Variants in SLC1A1 observed in about 807,000 individuals in gnomAD.
SLC1A1 encodes excitatory amino acid transporter 3.
Under a neutral mutation model 53.3 loss-of-function variants are expected in SLC1A1, and 43 were observed. The observed-to-expected ratio is 0.81, with a 90% CI of 0.63 to 1.04. The LOEUF (loss-of-function observed/expected upper bound fraction) is 1.04, where lower values mean the gene tolerates loss of function less well. SLC1A1 is among the 50% of genes least tolerant of loss of function. SLC1A1 has a pLI of 0.00. For missense variants in SLC1A1, 748 were observed against 664.9 expected (o/e 1.12, Z -1.37); for synonymous variants, 307 against 243.2 (o/e 1.26, Z -2.44).
chr9:4,585,504 C>G lies in SLC1A1; in HGVS notation c.1521C>G (p.Gly507=), dbSNP rs748205874. 6 of 1,614,214 alleles carry G rather than the reference C, an allele frequency of 3.7e-6. No individual in the cohort carries two copies. The change falls in exon 12 of 12, where the codon GGC becomes GGG. Residue 507 remains glycine, a synonymous_variant. Coordinates refer to ENST00000262352, the MANE Select transcript of SLC1A1 (RefSeq NM_004170.6). The stretch of plus-strand genomic sequence containing the variant: ...CCAAGAAGTCTTATGTCAATGGAGG[C>G]TTTGCAGTAGACAAGTCTGACACCA... ...SDTKKSYVNG[G]FAVDKSDTIS...
Position 4,576,655 on chromosome 9 carries a change from G to C in SLC1A1, c.1085G>C (p.Gly362Ala). 6.2e-7 allele frequency: 1 copy of C among 1,614,102 alleles called. No individual in the cohort carries two copies. The highest frequency in any genetic ancestry group is 8.5e-7 in the Non-Finnish European group (1 of 1,179,962). ...ATCACTCGATTCGTGTTACCCGTTGGTGCAACAATCAACATGGATGGGACT... is the reference window on the plus strand; with the variant it reads ...ATCACTCGATTCGTGTTACCCGTTGCTGCAACAATCAACATGGATGGGACT... ...KRITRFVLPV[G>A]ATINMDGTAL... Residue 362 changes from glycine to alanine, a missense_variant, in exon 10 of 12, where the codon GGT becomes GCT. Physicochemically the swap from Gly to Ala is moderately conservative, Grantham distance 60. Transcript: ENST00000262352.
chr9:4,539,492 C>G (rs1389198138), intron 1 of SLC1A1, among the ~76,000 whole-genome samples: 1 of 151,838 alleles, frequency 6.6e-6, no homozygotes, highest in East Asian at 1.9e-4. Context: ...AAACTTTCAT[C>G]TTTGAACTTA....
At position 4,586,966 on chromosome 9, in the gene SLC1A1, T is replaced by C. The variant is rs1037122839; in HGVS notation, c.*1408T>C. The C allele has an allele frequency of 3.7e-4, 57 of 152,634 alleles. No homozygotes were observed. Among genetic ancestry groups the C allele is most frequent in the African/African-American group, 1.1e-3 (44 of 41,456 alleles). 9.5% of individuals were successfully genotyped at this position (152,634 alleles called of 1,614,324 possible). A position where few individuals can be genotyped will look rare whatever the true frequency, so the allele number is the denominator to read the frequency against. Reference sequence around the variant, plus strand: ...ATAGTCTGTACTTCAGTTCTCATCTTGTAAATAATGCTTAACATAAACTTG... The same window carrying C: ...ATAGTCTGTACTTCAGTTCTCATCTCGTAAATAATGCTTAACATAAACTTG... On this transcript the variant is annotated 3_prime_UTR_variant, in exon 12 of 12. Coordinates refer to ENST00000262352, the MANE Select transcript of SLC1A1 (RefSeq NM_004170.6).
intron 1 of SLC1A1, among the ~76,000 whole-genome samples, chr9:4,540,888 A>G (rs992290394): frequency 3.9e-5 from 6 of 152,252 alleles, no homozygotes; most frequent in Non-Finnish European, 8.8e-5. Flanking sequence ...GGACTTCTGA[A>G]GACAGCTAAT....
intron 1 of SLC1A1, among the ~76,000 whole-genome samples, chr9:4,525,990 G>A (rs1447736250): frequency 1.3e-5 from 2 of 152,082 alleles, no homozygotes; most frequent in African/African-American, 4.8e-5. Flanking sequence ...AGAAGGAAAT[G>A]TCTTATATGC....
At chr9:4,495,343 G>C (rs545086321) in intron 1 of SLC1A1, among the ~76,000 whole-genome samples, 1 of 152,264 alleles carries the variant, frequency 6.6e-6, no homozygotes, top group East Asian at 1.9e-4. Context: ...CTGTGCACCA[G>C]GGATTGTTCT....
At chr9:4,511,361 C>A (rs1280317498) in intron 1 of SLC1A1, among the ~76,000 whole-genome samples, 1 of 152,130 alleles carries the variant, frequency 6.6e-6, no homozygotes, top group Non-Finnish European at 1.5e-5. Flanking sequence ...AGGCAGCTCT[C>A]TGGGACTCTT....
chr9:4,534,213 G>A (rs1175750634), intron 1 of SLC1A1, among the ~76,000 whole-genome samples: 1 of 152,078 alleles, frequency 6.6e-6, no homozygotes, highest in Non-Finnish European at 1.5e-5. Context: ...TAAGATCAGA[G>A]CAGAACTGAA....
intron 1 of SLC1A1, among the ~76,000 whole-genome samples, chr9:4,494,451 G>A (rs1002003084): frequency 3.3e-5 from 5 of 151,998 alleles, no homozygotes; most frequent in Admixed American, 1.3e-4. Flanking sequence ...TTCTCTCATA[G>A]TATGTCTCTT....
At chr9:4,568,357 G>A (rs1196694251) in intron 6 of SLC1A1, among the ~76,000 whole-genome samples, 4 of 151,512 alleles carry the variant, frequency 2.6e-5, no homozygotes, top group African/African-American at 9.7e-5. Flanking sequence ...ATTCAAGGCT[G>A]CAGTGAGCCA....
chr9:4,567,916 A>G (rs960663661), intron 6 of SLC1A1, 149 bp downstream of exon 6: 2 of 699,510 alleles, frequency 2.9e-6, no homozygotes, highest in Non-Finnish European at 5.3e-6. Context: ...CAAAATCCAT[A>G]CTTAAGGGGC....
chr9:4,536,735 C>T (rs973380265), intron 1 of SLC1A1, among the ~76,000 whole-genome samples: 9 of 152,222 alleles, frequency 5.9e-5, no homozygotes, highest in Admixed American at 3.9e-4. Context: ...CATAAAGACA[C>T]ATGCACATGT....
chr9:4,563,001 G>C (rs1456553807), intron 3 of SLC1A1, among the ~76,000 whole-genome samples: 1 of 151,138 alleles, frequency 6.6e-6, no homozygotes, highest in Non-Finnish European at 1.5e-5. Flanking sequence ...ATAGCATTGG[G>C]AGATATACCT....
chr9:4,550,688 C>A (rs1400065169), intron 2 of SLC1A1, among the ~76,000 whole-genome samples: 1 of 152,156 alleles, frequency 6.6e-6, no homozygotes, highest in Non-Finnish European at 1.5e-5. Context: ...ACCACACCTG[C>A]CCTACTTTTT....
intron 2 of SLC1A1, among the ~76,000 whole-genome samples, chr9:4,559,432 T>C (rs1000138537): frequency 6.6e-6 from 1 of 151,812 alleles, no homozygotes; most frequent in African/African-American, 2.4e-5. Context: ...ATGGTGTGTT[T>C]AGAGTGAGAA....
At chr9:4,516,243 G>A (rs1313268624) in intron 1 of SLC1A1, among the ~76,000 whole-genome samples, 1 of 152,124 alleles carries the variant, frequency 6.6e-6, no homozygotes, top group African/African-American at 2.4e-5. Context: ...CCCAGAACGG[G>A]CCTGAACATT....
intron 1 of SLC1A1, among the ~76,000 whole-genome samples, chr9:4,520,451 T>C (rs1324040620): frequency 6.6e-6 from 1 of 152,224 alleles, no homozygotes; most frequent in Non-Finnish European, 1.5e-5. Flanking sequence ...TTGGTTCATT[T>C]GCTTTCTGCT....
chr9:4,564,281 G>T, intron 3 of SLC1A1, 63 bp from the exon 4 acceptor site: 1 of 1,096,836 alleles, frequency 9.1e-7, no homozygotes, highest in Non-Finnish European at 1.4e-6. Context: ...TTCTAAAGGT[G>T]CCAGCTGTGC....
chr9:4,492,441 C>G (rs1820269370), intron 1 of SLC1A1, among the ~76,000 whole-genome samples: 1 of 148,776 alleles, frequency 6.7e-6, no homozygotes, highest in South Asian at 2.1e-4. Context: ...AAGATTGTGC[C>G]ACTGCACTCC....
Sources: allele counts gnomAD v4.1 joint callset (sites outside exome capture counted in the v4.1 genomes callset), GRCh38; gene constraint gnomAD v4.1.1; transcripts MANE v1.5; gene names NCBI Gene and HGNC (gene_info 2026-07-23, HGNC 2026-07-21).